PAPPA: variants seen among roughly 807,000 people sequenced by gnomAD.
The protein encoded by PAPPA is pappalysin 1, also known as pappalysin-1.
In PAPPA, 60 loss-of-function variants were observed where a neutral mutation model predicts 164.0. The observed-to-expected ratio is 0.37, with a 90% confidence interval of 0.30 to 0.45. PAPPA has a LOEUF of 0.45. Ranked by LOEUF, PAPPA falls within the 20% of genes least tolerant of loss-of-function variation. PAPPA has a pLI of 1.00. For missense variants in PAPPA, 1,782 were observed against 2,087.3 expected, an observed-to-expected ratio of 0.85 and a Z score of 2.85; for synonymous variants, 875 against 814.1, an observed-to-expected ratio of 1.07 and a Z score of -1.27.
chr9:116,187,212 C>A lies in PAPPA; in HGVS notation c.474C>A (p.His158Gln). The change falls in exon 2 of 22, where the codon CAC becomes CAA. Residue 158 changes from histidine (H) to glutamine (Q), a missense_variant. Physicochemically the swap from His to Gln is conservative, Grantham distance 24. Transcript: ENST00000328252. This position sits in a 1 kb window ranked among gnomAD's most constrained non-coding sequence, Gnocchi z 4.2. ...SRDRGWVVGI[H>Q]TISDQDNKDP... ...ACCGAGGATGGGTCGTGGGCATTCACACCATCAGTGACCAAGACAACAAAG... is the reference window on the plus strand; with the variant it reads ...ACCGAGGATGGGTCGTGGGCATTCAAACCATCAGTGACCAAGACAACAAAG... 1 of 1,614,182 alleles carries A rather than the reference C, an allele frequency of 6.2e-7. No individual in the cohort carries two copies. Among genetic ancestry groups the A allele is most frequent in the Non-Finnish European group, 8.5e-7 (1 of 1,180,046 alleles).
At chr9:116,169,242 C>T (rs1843747478) in intron 1 of PAPPA, among the ~76,000 whole-genome samples, 1 of 150,836 alleles carries the variant, frequency 6.6e-6, no homozygotes, top group Non-Finnish European at 1.5e-5. Context: ...TCCAGTGAAC[C>T]AGTATACCAT....
At chr9:116,231,811 G>C (rs1014512639) in intron 6 of PAPPA, among the ~76,000 whole-genome samples, 2 of 93,444 alleles carry the variant, frequency 2.1e-5, no homozygotes, top group African/African-American at 8.5e-5. Context: ...GCCCAGGCTG[G>C]AGTGCAGTGG....
intron 20 of PAPPA, among the ~76,000 whole-genome samples, 189 bp from the exon 21 acceptor site, chr9:116,382,206 A>T (rs1412712471): frequency 1.3e-5 from 2 of 152,088 alleles, no homozygotes; most frequent in African/African-American, 4.8e-5. Context: ...GTAGAAAGAA[A>T]GATAAGAGTC....
intron 9 of PAPPA, among the ~76,000 whole-genome samples, chr9:116,284,063 T>C (rs1845300691): frequency 6.6e-6 from 1 of 152,234 alleles, no homozygotes; most frequent in South Asian, 2.1e-4. Context: ...TAGGCTTTTA[T>C]TTATTGAGCA....
intron 2 of PAPPA, among the ~76,000 whole-genome samples, 158 bp downstream of exon 2, chr9:116,188,374 G>C (rs763004730): frequency 1.3e-5 from 2 of 152,164 alleles, no homozygotes. Flanking sequence ...GGTCATTGTG[G>C]AGACCATAGG....
intron 2 of PAPPA, among the ~76,000 whole-genome samples, chr9:116,190,837 G>T (rs529931858): frequency 2.0e-5 from 3 of 152,316 alleles, no homozygotes; most frequent in Admixed American, 2.0e-4. Context: ...TGTGACCAGG[G>T]CTTGTTTGTT....
rs143782297 is a variant in PAPPA at position 116,257,067 on chromosome 9, A to C, written c.2733-8790A>C. 3.3e-5 allele frequency among the ~76,000 whole-genome samples: 5 copies of C among 152,168 alleles called. No homozygotes were observed. In the East Asian group the frequency reaches 9.7e-4, roughly 30 times the overall value. Reference sequence around the variant, plus strand: ...CACAAATAAACAAATGAAAAAGGTAAAACTTTTCAATCAATGGAATTTCTA... The same window carrying C: ...CACAAATAAACAAATGAAAAAGGTACAACTTTTCAATCAATGGAATTTCTA... On this transcript the variant is annotated intron_variant, in intron 7 of 21. Coordinates refer to ENST00000328252, the MANE Select transcript of PAPPA (RefSeq NM_002581.5).
intron 1 of PAPPA, among the ~76,000 whole-genome samples, chr9:116,173,911 T>C (rs1052704547): frequency 5.3e-5 from 8 of 152,214 alleles, no homozygotes; most frequent in Admixed American, 5.2e-4. Context: ...CAGCCCCTTG[T>C]CCTGGTGTAG....
In PAPPA at chr9:116,187,682, G is replaced by T; in HGVS notation, c.944G>T (p.Gly315Val). 3 of 1,614,252 alleles carry T rather than the reference G, an allele frequency of 1.9e-6. No individual in the cohort carries two copies. Among genetic ancestry groups the T allele is most frequent in the African/African-American group, 1.3e-5 (1 of 75,074 alleles). ...SPKVEFSNAH[G>V]FLLDTSLEPP... ...AAAGTGGAATTCAGCAATGCCCACG[G>T]CTTTCTGCTGGACACGAGTCTGGAG... The change falls in exon 2 of 22, where the codon GGC (glycine) becomes GTC (valine). Residue 315 changes from glycine (G) to valine (V), a missense_variant. Transcript: ENST00000328252. This position sits in a 1 kb window ranked among gnomAD's most constrained non-coding sequence, Gnocchi z 4.2.
rs550838517 is a variant in PAPPA at position 116,183,763 on chromosome 9, C to T, written c.416-3391C>T. On this transcript the variant is annotated intron_variant, in intron 1 of 21. Transcript: ENST00000328252. The stretch of plus-strand genomic sequence containing the variant: ...ATTGAAAACCTTCTCTTTGCCCTTC[C>T]TCTCTGCCTCCCATGGCTAAGCCAC... Among the ~76,000 whole-genome samples the T allele has an allele frequency of 4.6e-5, 7 of 152,256 alleles. 1 individual carries two copies. In the South Asian group the frequency reaches 8.3e-4, roughly 18 times the overall value.
intron 7 of PAPPA, among the ~76,000 whole-genome samples, chr9:116,242,164 G>T (rs114195348): frequency 0.032 from 4,841 of 152,186 alleles, 270 homozygotes; most frequent in African/African-American, 0.11. Context: ...ATGGTGTGAG[G>T]AGCACGGGGG....
rs1843998087 is a variant in PAPPA at position 116,188,047 on chromosome 9, G to A, written c.1309G>A (p.Gly437Ser). ...ECNHTLTGHD[G>S]GDCRHLRHPA... ...CAACCACACGCTGACGGGCCACGAC[G>A]GCGGGGATTGCCGCCACCTGCGCCA... Residue 437 changes from glycine (G) to serine (S), a missense_variant, in exon 2 of 22, where the codon GGC (glycine) becomes AGC (serine). By Grantham distance (56) the Gly-to-Ser change is moderately conservative. Around this residue, in one of 2 missense-constraint regions of PAPPA, gnomAD observed 1,324 missense variants for 1,656.9 expected, o/e 0.80. Transcript: ENST00000328252. 1.9e-6 allele frequency: 3 copies of A among 1,614,040 alleles called. No homozygotes were observed. Among genetic ancestry groups the A allele is most frequent in the Non-Finnish European group, 2.5e-6 (3 of 1,180,040 alleles).
intron 2 of PAPPA, among the ~76,000 whole-genome samples, chr9:116,190,189 A>G (rs1844024580): frequency 6.6e-6 from 1 of 152,222 alleles, no homozygotes; most frequent in Non-Finnish European, 1.5e-5. Flanking sequence ...TCATTAGGCT[A>G]AATCACAAGT....
chr9:116,373,666 C>T (rs1015009933), intron 19 of PAPPA: 1 of 152,038 alleles, frequency 6.6e-6, no homozygotes, highest in Non-Finnish European at 1.5e-5. Context: ...TCTCAAAGGG[C>T]CTCTCCACCT....
chr9:116,359,974 T>G (rs1207044554), intron 17 of PAPPA, among the ~76,000 whole-genome samples: 1 of 152,314 alleles, frequency 6.6e-6, no homozygotes, highest in Admixed American at 6.5e-5. Flanking sequence ...AGGAGAGAGA[T>G]AAACCAATGA....
At chr9:116,156,292 A>G (rs937188039) in intron 1 of PAPPA, among the ~76,000 whole-genome samples, 6 of 142,786 alleles carry the variant, frequency 4.2e-5, no homozygotes, top group African/African-American at 1.0e-4. Context: ...GTGTGTGTAT[A>G]TATATATATA....
At chr9:116,342,815 A>ACACAGTCAGAGAGGC (rs1478856532) in intron 13 of PAPPA, among the ~76,000 whole-genome samples, 1 of 152,214 alleles carries the variant, frequency 6.6e-6, no homozygotes, top group African/African-American at 2.4e-5. Context: ...TTGGGGGTAG[A>ACACAGTCAGAGAGGC]CACAGTCAGA....
chr9:116,191,499 G>A (rs906321318), intron 2 of PAPPA, among the ~76,000 whole-genome samples: 2 of 152,286 alleles, frequency 1.3e-5, no homozygotes, highest in African/African-American at 4.8e-5. Flanking sequence ...TATCCCACCA[G>A]CCTTTCTGCT....
chr9:116,213,900 G>T (rs151259125), intron 4 of PAPPA, among the ~76,000 whole-genome samples: 34 of 152,330 alleles, frequency 2.2e-4, no homozygotes, highest in African/African-American at 7.5e-4. Flanking sequence ...TCAAAATGCA[G>T]AACAGGACTG....
Sources: gnomAD v4.1 joint callset for allele counts (sites outside exome capture counted in the v4.1 genomes callset) on GRCh38, gnomAD v4.1.1 for gene constraint, gnomAD v4.1.1 regional missense constraint, Gnocchi (gnomAD v3.1) non-coding constraint, MANE v1.5 for transcripts, NCBI Gene and HGNC (gene_info 2026-07-23, HGNC 2026-07-21) for gene names.